The following RSRC1 variants were observed in gnomAD, a reference collection of about 807,000 sequenced individuals.
The protein encoded by RSRC1 is serine/Arginine-related protein 53.
A neutral mutation model predicts 49.1 loss-of-function variants in RSRC1; 39 were observed. The ratio of observed to expected loss-of-function variants is 0.79; its 90% CI spans 0.61 to 1.04. The LOEUF (loss-of-function observed/expected upper bound fraction) is 1.04. RSRC1 is among the 50% of genes least tolerant of loss of function. RSRC1 has a pLI of 0.00. For synonymous variants in RSRC1, 143 were observed against 130.8 expected, an observed-to-expected ratio of 1.09 and a Z score of -0.63; for missense variants, 388 against 402.4, an observed-to-expected ratio of 0.96 and a Z score of 0.31.
intron 4 of RSRC1, among the ~76,000 whole-genome samples, chr3:158,274,816 G>A (rs1278252663): frequency 1.3e-5 from 2 of 152,180 alleles, no homozygotes; most frequent in Non-Finnish European, 2.9e-5. Flanking sequence ...CCAGGAACAA[G>A]AGAAATAACT....
chr3:158,373,040 T>C (rs537487214), intron 6 of RSRC1, among the ~76,000 whole-genome samples: 1 of 151,898 alleles, frequency 6.6e-6, no homozygotes, highest in Non-Finnish European at 1.5e-5. Flanking sequence ...AATAATTTAC[T>C]TGTATTCTGC....
intron 5 of RSRC1, among the ~76,000 whole-genome samples, chr3:158,334,669 G>GTGTGTGTGTGTGTT (rs1392445365): frequency 2.6e-5 from 4 of 151,216 alleles, no homozygotes; most frequent in African/African-American, 9.7e-5. Flanking sequence ...GTGTGTGTGT[G>GTGTGTGTGTGTGTT]TGTGTGTGTG....
intron 5 of RSRC1, among the ~76,000 whole-genome samples, chr3:158,325,345 G>A (rs996625849): frequency 1.3e-5 from 2 of 152,016 alleles, no homozygotes; most frequent in African/African-American, 4.8e-5. Flanking sequence ...TTTCTTCTAG[G>A]GTTTTTATGG....
intron 4 of RSRC1, among the ~76,000 whole-genome samples, chr3:158,295,354 A>G (rs750757288): frequency 2.0e-5 from 3 of 152,114 alleles, no homozygotes; most frequent in Non-Finnish European, 2.9e-5. Context: ...AGCTTTGACA[A>G]GATAACAGAG....
chr3:158,460,475 C>A (rs1461115124), intron 6 of RSRC1, among the ~76,000 whole-genome samples: 2 of 151,664 alleles, frequency 1.3e-5, no homozygotes, highest in Non-Finnish European at 3.0e-5. Flanking sequence ...AATAAAGAAC[C>A]ACTACTATGA....
chr3:158,521,460 T>C (rs1711668777), intron 7 of RSRC1, among the ~76,000 whole-genome samples: 1 of 152,170 alleles, frequency 6.6e-6, no homozygotes, highest in East Asian at 1.9e-4. Context: ...TTTTTCAATG[T>C]TGCAGGGCCC....
chr3:158,522,259 C>T (rs1027098790), intron 7 of RSRC1, among the ~76,000 whole-genome samples: 1 of 152,072 alleles, frequency 6.6e-6, no homozygotes, highest in Admixed American at 6.6e-5. Context: ...CTTGATACAG[C>T]TTGGCCAACT....
chr3:158,257,711 T>G (rs532236770), intron 4 of RSRC1, among the ~76,000 whole-genome samples: 7 of 152,284 alleles, frequency 4.6e-5, no homozygotes, highest in African/African-American at 1.7e-4. Flanking sequence ...GTGTCCTCTC[T>G]TCCATCTTTT....
intron 5 of RSRC1, among the ~76,000 whole-genome samples, chr3:158,326,038 A>G (rs13090957): frequency 3.3e-5 from 5 of 152,032 alleles, no homozygotes; most frequent in South Asian, 2.1e-4. Flanking sequence ...TTTGTCTGTT[A>G]TTGGTGTATA....
intron 5 of RSRC1, among the ~76,000 whole-genome samples, chr3:158,310,666 A>T (rs1483117074): frequency 6.6e-6 from 1 of 151,810 alleles, no homozygotes; most frequent in Non-Finnish European, 1.5e-5. Context: ...ACTTTTAAAA[A>T]TATGTTTTAA....
intron 1 of RSRC1, among the ~76,000 whole-genome samples, chr3:158,121,168 A>G (rs1243468692): frequency 1.3e-5 from 2 of 151,988 alleles, no homozygotes; most frequent in African/African-American, 4.8e-5. Context: ...GCTGTGATGA[A>G]TATTTTCATG....
intron 5 of RSRC1, among the ~76,000 whole-genome samples, chr3:158,299,343 T>A (rs1331681146): frequency 6.6e-6 from 1 of 151,906 alleles, no homozygotes; most frequent in East Asian, 1.9e-4. Context: ...TTTATTTATT[T>A]GTTTTTTTGA....
At position 158,438,446 on chromosome 3, in the gene RSRC1, G is replaced by A. The variant is rs1449248458; in HGVS notation, c.584-22489G>A. ...ATACAAGGCTACAGTAACCAAAACA[G>A]CGTGATACTGGTACCAAAACAGATA... On this transcript the variant is annotated intron_variant, in intron 6 of 9. Transcript: ENST00000611884. 5.9e-5 allele frequency among the ~76,000 whole-genome samples: 9 copies of A among 152,232 alleles called. No individual in the cohort carries two copies. The East Asian group carries it at 1.5e-3, about 26-fold the overall frequency.
chr3:158,518,116 G>GCATATATATATA lies in RSRC1; in HGVS notation c.653-18976_653-18975insCATATATATATA, dbSNP rs1283989660. ...CGTGCGTGTGTGTGTGTGTGTGTGT[G>GCATATATATATA]TGTGTGTGTGTATATATATATATAT... On this transcript the variant is annotated intron_variant, in intron 7 of 9. Transcript: ENST00000611884. Among the ~76,000 whole-genome samples, 27 of 80,382 alleles carry GCATATATATATA rather than the reference G, an allele frequency of 3.4e-4. 4 individuals carry two copies. The highest frequency in any genetic ancestry group is 1.8e-3 in the African/African-American group (26 of 14,560). 52.7% of individuals were successfully genotyped at this position (80,382 alleles called of 152,430 possible). A position where few individuals can be genotyped will look rare whatever the true frequency, so the allele number is the denominator to read the frequency against.
At chr3:158,477,016 A>G (rs1417096669) in intron 7 of RSRC1, among the ~76,000 whole-genome samples, 1 of 152,154 alleles carries the variant, frequency 6.6e-6, no homozygotes, top group Admixed American at 6.6e-5. Context: ...CAGTGGAGGA[A>G]GTAACAGCCT....
intron 6 of RSRC1, among the ~76,000 whole-genome samples, chr3:158,389,046 A>G (rs1179091661): frequency 2.6e-5 from 4 of 152,232 alleles, no homozygotes; most frequent in Non-Finnish European, 5.9e-5. Context: ...TTATAGAAAA[A>G]AAACAGATTA....
At chr3:158,201,618 G>A (rs184807598) in intron 3 of RSRC1, among the ~76,000 whole-genome samples, 9 of 152,134 alleles carry the variant, frequency 5.9e-5, no homozygotes, top group Admixed American at 4.6e-4. Context: ...TCTTTCCTCT[G>A]TTATTACCAG....
chr3:158,355,094 G>A (rs567627604), intron 6 of RSRC1, 186 bp downstream of exon 6: 9 of 422,918 alleles, frequency 2.1e-5, no homozygotes, highest in Non-Finnish European at 3.0e-5. Flanking sequence ...ATAATGCTAA[G>A]TGTATTGCTA....
intron 3 of RSRC1, among the ~76,000 whole-genome samples, chr3:158,129,577 C>T (rs772083325): frequency 1.3e-5 from 2 of 152,132 alleles, no homozygotes; most frequent in African/African-American, 2.4e-5. Context: ...AAGCATAAGC[C>T]ACCGCGCCTG....
Sources: allele counts gnomAD v4.1 joint callset (sites outside exome capture counted in the v4.1 genomes callset), GRCh38; gene constraint gnomAD v4.1.1; transcripts MANE v1.5; gene names NCBI Gene and HGNC (gene_info 2026-07-23, HGNC 2026-07-21).